The following CTNNA2 variants were observed in gnomAD, a reference collection of about 807,000 sequenced individuals.
CTNNA2 encodes catenin alpha 2, also known as catenin alpha-2.
Under a neutral mutation model 101.0 loss-of-function variants are expected in CTNNA2, and 42 were observed. The ratio of observed to expected loss-of-function variants is 0.42; its 90% confidence interval spans 0.32 to 0.54. The LOEUF (loss-of-function observed/expected upper bound fraction) is 0.54. Ranked by LOEUF, CTNNA2 falls within the 20% of genes least tolerant of loss-of-function variation. CTNNA2 has a pLI of 0.14. For synonymous variants in CTNNA2, 450 were observed against 456.4 expected, an observed-to-expected ratio of 0.99 and a Z score of 0.18; for missense variants, 871 against 1,223.1, an observed-to-expected ratio of 0.71 and a Z score of 4.29.
At chr2:80,367,877 C>T (rs1018444367) in intron 7 of CTNNA2, among the ~76,000 whole-genome samples, 2 of 151,796 alleles carry the variant, frequency 1.3e-5, no homozygotes, top group African/African-American at 4.9e-5. Context: ...GCATCTGCTC[C>T]ATTGAGATTC....
intron 1 of CTNNA2, among the ~76,000 whole-genome samples, chr2:79,533,102 C>A (rs1672843759): frequency 6.6e-6 from 1 of 151,878 alleles, no homozygotes; most frequent in Non-Finnish European, 1.5e-5. Context: ...AGTCTCGCTC[C>A]TTGATGAATT....
At chr2:79,226,911 A>G (rs1052735288) in intron 2 of CTNNA2, among the ~76,000 whole-genome samples, 10 of 152,134 alleles carry the variant, frequency 6.6e-5, no homozygotes, top group Non-Finnish European at 1.3e-4. Flanking sequence ...AGGCGCTGCC[A>G]TGAACTTTGT....
intron 7 of CTNNA2, among the ~76,000 whole-genome samples, chr2:80,183,151 C>T (rs931447397): frequency 6.6e-6 from 1 of 152,058 alleles, no homozygotes; most frequent in African/African-American, 2.4e-5. Context: ...TCAATAGATC[C>T]CCCCAGACAC....
intron 7 of CTNNA2, among the ~76,000 whole-genome samples, chr2:80,270,114 T>C (rs1673343663): frequency 6.6e-6 from 1 of 152,182 alleles, no homozygotes; most frequent in Non-Finnish European, 1.5e-5. Context: ...GTGAATTCGT[T>C]CCGATGAGAA....
chr2:79,780,448 G>A (rs1385332917), intron 3 of CTNNA2, among the ~76,000 whole-genome samples: 1 of 152,186 alleles, frequency 6.6e-6, no homozygotes, highest in African/African-American at 2.4e-5. Flanking sequence ...TTCTAGCTCA[G>A]CAGTTTTTAA....
rs542987368 is a variant in CTNNA2, at chr2:79,561,710, A to T, written c.-6+48503A>T. 3.3e-5 allele frequency among the ~76,000 whole-genome samples: 5 copies of T among 152,008 alleles called. No individual in the cohort carries two copies. The East Asian group carries it at 9.7e-4, about 29-fold the overall frequency. On this transcript the variant is annotated intron_variant, in intron 1 of 18. Coordinates refer to ENST00000402739, the MANE Select transcript of CTNNA2 (RefSeq NM_001282597.3). ...GATGTGCATTTTTCTAGTATGACTCATGATGTTGAGCATCTTTTCATGTAC... is the reference window on the plus strand; with the variant it reads ...GATGTGCATTTTTCTAGTATGACTCTTGATGTTGAGCATCTTTTCATGTAC...
chr2:79,326,816 C>T (rs1558627959), intron 3 of CTNNA2, among the ~76,000 whole-genome samples: 1 of 152,136 alleles, frequency 6.6e-6, no homozygotes, highest in Non-Finnish European at 1.5e-5. Context: ...AAAATTGCAA[C>T]AAGGTCCATG....
At chr2:79,783,265 A>G (rs912748546) in intron 3 of CTNNA2, among the ~76,000 whole-genome samples, 16 of 152,258 alleles carry the variant, frequency 1.1e-4, no homozygotes, top group Admixed American at 8.5e-4. Flanking sequence ...AGTTAATTAG[A>G]TTTGGTCACA....
chr2:79,294,555 T>C (rs1000292787), intron 2 of CTNNA2, among the ~76,000 whole-genome samples: 1 of 152,244 alleles, frequency 6.6e-6, no homozygotes, highest in African/African-American at 2.4e-5. Flanking sequence ...ACCATCAACC[T>C]CCTATCTTAA....
intron 9 of CTNNA2, among the ~76,000 whole-genome samples, chr2:80,509,826 ACGCAGGGCTCCTGTC>A (rs1246763477): frequency 6.6e-6 from 1 of 152,178 alleles, no homozygotes; most frequent in Non-Finnish European, 1.5e-5. Flanking sequence ...TTGGACTGGA[ACGCAGGGCTCCTGTC>A]CTCAGATCCA....
intron 1 of CTNNA2, among the ~76,000 whole-genome samples, chr2:79,562,299 C>T (rs1558732226): frequency 6.6e-6 from 1 of 151,962 alleles, no homozygotes; most frequent in Non-Finnish European, 1.5e-5. Context: ...CATTATTAGA[C>T]TGTTTTGATT....
chr2:79,465,924 T>C (rs1202972236), intron 4 of CTNNA2, among the ~76,000 whole-genome samples: 2 of 152,114 alleles, frequency 1.3e-5, no homozygotes, highest in Non-Finnish European at 2.9e-5. Flanking sequence ...CATGGCCAAA[T>C]AGGAACAGCT....
intron 3 of CTNNA2, among the ~76,000 whole-genome samples, chr2:79,356,038 A>G (rs2104442746): frequency 6.6e-6 from 1 of 151,948 alleles, no homozygotes; most frequent in South Asian, 2.1e-4. Flanking sequence ...ATGTGGCTGC[A>G]GCATTTTACA....
chr2:80,539,886 A>C (rs1230271358), intron 9 of CTNNA2, among the ~76,000 whole-genome samples: 3 of 152,230 alleles, frequency 2.0e-5, no homozygotes, highest in Non-Finnish European at 2.9e-5. Context: ...ATTGTTTTCT[A>C]AGCTTCCAGG....
chr2:80,133,891 GT>G (rs1452115872), intron 7 of CTNNA2, among the ~76,000 whole-genome samples: 3 of 152,180 alleles, frequency 2.0e-5, no homozygotes, highest in African/African-American at 7.2e-5. Context: ...GTACTGAATT[GT>G]GATAGTTGAG....
intron 7 of CTNNA2, among the ~76,000 whole-genome samples, chr2:80,284,074 A>G (rs1674578678): frequency 6.6e-6 from 1 of 152,144 alleles, no homozygotes; most frequent in Non-Finnish European, 1.5e-5. Context: ...TTTCTTCAGC[A>G]GCAGTGGCAG....
At chr2:80,353,087 G>C (rs1673462658) in intron 7 of CTNNA2, among the ~76,000 whole-genome samples, 1 of 152,046 alleles carries the variant, frequency 6.6e-6, no homozygotes, top group African/African-American at 2.4e-5. Flanking sequence ...AGTTCATCTT[G>C]TTCCACCAAA....
intron 3 of CTNNA2, among the ~76,000 whole-genome samples, chr2:79,357,946 G>C (rs1243140875): frequency 6.6e-6 from 1 of 151,862 alleles, no homozygotes; most frequent in East Asian, 1.9e-4. Context: ...CTAAATCTTG[G>C]TCTTTCCCTT....
At chr2:80,348,829 G>A (rs1038572977) in intron 7 of CTNNA2, among the ~76,000 whole-genome samples, 1 of 152,050 alleles carries the variant, frequency 6.6e-6, no homozygotes, top group African/African-American at 2.4e-5. Context: ...TGAGATGTTT[G>A]TTAGGTGCGC....
Sources: allele counts gnomAD v4.1 joint callset (sites outside exome capture counted in the v4.1 genomes callset), GRCh38; gene constraint gnomAD v4.1.1; transcripts MANE v1.5; gene names NCBI Gene and HGNC (gene_info 2026-07-23, HGNC 2026-07-21).